Variants in HIF3A observed in about 807,000 individuals in gnomAD.
HIF3A encodes hypoxia inducible factor 3 subunit alpha, also known as hypoxia-inducible factor 3-alpha.
A neutral mutation model predicts 67.2 loss-of-function variants in HIF3A; 41 were observed. The ratio of observed to expected loss-of-function variants is 0.61; its 90% confidence interval spans 0.48 to 0.79. The LOEUF (loss-of-function observed/expected upper bound fraction) is 0.79, where lower values mean the gene tolerates loss of function less well. HIF3A is among the 30% of genes least tolerant of loss of function. The pLI, the probability that HIF3A is intolerant of heterozygous loss-of-function variation, is 0.00. For missense variants in HIF3A, 855 were observed against 898.0 expected (o/e 0.95, Z 0.61); for synonymous variants, 356 against 374.8 (o/e 0.95, Z 0.58).
rs760414002 is a variant in HIF3A, at chr19:46,305,356, C to T, written c.329C>T (p.Ser110Leu). 9 of 1,614,040 alleles carry T rather than the reference C, an allele frequency of 5.6e-6. No individual in the cohort carries two copies. Among genetic ancestry groups the T allele is most frequent in the South Asian group, 1.1e-5 (1 of 91,066 alleles). ...GCCGAGGGAGACATGGCTTACCTGTCGGAGAATGTCAGCAAACACCTGGGC... is the reference window on the plus strand; with the variant it reads ...GCCGAGGGAGACATGGCTTACCTGTTGGAGAATGTCAGCAAACACCTGGGC... ...LTAEGDMAYL[S>L]ENVSKHLGLS... Residue 110 changes from serine to leucine, a missense_variant, in exon 3 of 15, where the codon TCG becomes TTG. By Grantham distance (145) the Ser-to-Leu change is moderately radical. Transcript: ENST00000377670.
intron 6 of HIF3A, 131 bp downstream of exon 6, chr19:46,309,490 TG>T (rs1453707551): frequency 6.4e-6 from 4 of 622,516 alleles, no homozygotes; most frequent in Non-Finnish European, 1.1e-5. Flanking sequence ...TCTCTTTGTG[TG>T]CCTGCCTGTC....
At chr19:46,302,023 C>A (rs897956779) in intron 1 of HIF3A, among the ~76,000 whole-genome samples, 10 of 151,770 alleles carry the variant, frequency 6.6e-5, no homozygotes, top group Admixed American at 2.6e-4. Context: ...ACTATATATA[C>A]CATATACTAC....
At chr19:46,303,677 CA>C in intron 1 of HIF3A, 1 of 1,587,362 alleles carries the variant, frequency 6.3e-7, no homozygotes, top group Non-Finnish European at 8.6e-7. Context: ...CATGGACTGG[CA>C]AGACCACAGG....
intron 14 of HIF3A, among the ~76,000 whole-genome samples, chr19:46,335,252 A>ATTTAT (rs1971527330): frequency 6.8e-6 from 1 of 147,518 alleles, no homozygotes; most frequent in Non-Finnish European, 1.5e-5. Context: ...GATCACATTT[A>ATTTAT]TTTATTTATT....
chr19:46,322,361 G>A (rs967021590), intron 10 of HIF3A, among the ~76,000 whole-genome samples: 10 of 152,056 alleles, frequency 6.6e-5, no homozygotes, highest in African/African-American at 2.4e-4. Context: ...AGATTTCACA[G>A]GTTGGGCCTC....
In HIF3A at chr19:46,321,790, C is replaced by T. The variant is rs145421578; in HGVS notation, c.1159C>T (p.Arg387Trp). The T allele has an allele frequency of 8.7e-6, 14 of 1,613,336 alleles. No homozygotes were observed. The highest frequency in any genetic ancestry group is 1.6e-4 in the Middle Eastern group (1 of 6,076). The change falls in exon 10 of 15, where the codon CGG becomes TGG. Residue 387 changes from arginine (R) to tryptophan (W), a missense_variant. By Grantham distance (101) the Arg-to-Trp change is moderately radical (BLOSUM62 -3). Transcript: ENST00000377670. ...GTGTCCTGCAGACACCCCTGGCCCC[C>T]GGATCCTTGCCTTCCTGCACCCGCC... ...PGDSLDTPGPRILAFLHPPSL... is the reference protein window; with the variant it reads ...PGDSLDTPGPWILAFLHPPSL...
chr19:46,306,270 A>G (rs1405457346), intron 3 of HIF3A, among the ~76,000 whole-genome samples: 1 of 152,078 alleles, frequency 6.6e-6, no homozygotes, highest in African/African-American at 2.4e-5. Context: ...TTGTGCCAGA[A>G]AGGTAGAATC....
At chr19:46,312,471 T>C (rs1969526561) in intron 7 of HIF3A, 35 bp from the exon 8 acceptor site, 23 of 1,611,554 alleles carry the variant, frequency 1.4e-5, no homozygotes, top group Non-Finnish European at 2.0e-5. Flanking sequence ...TTTGCCCCCT[T>C]GGTGGCCCTG....
At chr19:46,329,143 G>A in intron 11 of HIF3A, 64 bp from the exon 12 acceptor site, 1 of 1,466,002 alleles carries the variant, frequency 6.8e-7, no homozygotes, top group Non-Finnish European at 9.2e-7. Flanking sequence ...ATGGTGCTGG[G>A]ACTTCAGCCA....
intron 6 of HIF3A, 34 bp from the exon 7 acceptor site, chr19:46,312,127 A>C: frequency 1.3e-6 from 2 of 1,528,726 alleles, no homozygotes; most frequent in Non-Finnish European, 1.8e-6. Context: ...ACCCAGTAGC[A>C]TCCTGACCAG....
chr19:46,325,476 T>A (rs1970713782), intron 10 of HIF3A, 59 bp from the exon 11 acceptor site: 3 of 1,230,892 alleles, frequency 2.4e-6, no homozygotes. Context: ...CAGACTGTCT[T>A]AATGTTGATA....
Position 46,320,565 on chromosome 19 carries a change from T to C in HIF3A, c.1144+4T>C. The stretch of plus-strand genomic sequence containing the variant: ...CCTAACCCTGGGGACAGCCTTGGTA[T>C]GGGGCAGGGCTGGGGCCGGGAGGGG... On this transcript the variant is annotated splice_donor_region_variant and intron_variant, in intron 9 of 14. Coordinates refer to ENST00000377670, the MANE Select transcript of HIF3A (RefSeq NM_152795.4). 1 of 1,608,346 alleles carries C rather than the reference T, an allele frequency of 6.2e-7. No individual in the cohort carries two copies. The highest frequency in any genetic ancestry group is 1.7e-4 in the Middle Eastern group (1 of 6,046).
chr19:46,333,490 C>A (rs1284635884), intron 13 of HIF3A, among the ~76,000 whole-genome samples: 1 of 152,146 alleles, frequency 6.6e-6, no homozygotes, highest in Non-Finnish European at 1.5e-5. Context: ...AATAAATACC[C>A]TACCTGCTGG....
chr19:46,306,198 C>T (rs1483905753), intron 3 of HIF3A, among the ~76,000 whole-genome samples: 1 of 152,160 alleles, frequency 6.6e-6, no homozygotes, highest in Admixed American at 6.6e-5. Context: ...AAATTTAAGG[C>T]CAAATTATCT....
At chr19:46,310,437 G>T (rs1217890365) in intron 6 of HIF3A, 1 of 281,230 alleles carries the variant, frequency 3.6e-6, no homozygotes. Flanking sequence ...GTTATTATTT[G>T]TTCACCCTCT....
Position 46,329,285 on chromosome 19 carries a change from C to T in HIF3A, c.1519C>T (p.Gln507Ter). The T allele has an allele frequency of 6.2e-7, 1 of 1,613,356 alleles. No homozygotes were observed. The highest frequency in any genetic ancestry group is 8.5e-7 in the Non-Finnish European group (1 of 1,179,938). ...DDDFQLNASEQLPRAYHRPLG... is the reference protein window; with the variant it reads ...DDDFQLNASE Reference sequence around the variant, plus strand: ...TGACTTCCAGCTCAACGCCAGCGAGCAGCTACCCAGGGCCTACCACAGACC... The same window carrying T: ...TGACTTCCAGCTCAACGCCAGCGAGTAGCTACCCAGGGCCTACCACAGACC... The change falls in exon 12 of 15, where the codon CAG becomes TAG. Residue 507 changes from glutamine to a stop codon, truncating the protein, a stop_gained. Coordinates refer to ENST00000377670, the MANE Select transcript of HIF3A (RefSeq NM_152795.4). LOFTEE classifies it high-confidence loss of function.
intron 3 of HIF3A, 107 bp downstream of exon 3, chr19:46,305,497 A>C: frequency 9.5e-7 from 1 of 1,056,440 alleles, no homozygotes. Context: ...CACAATACAA[A>C]GGGGATATAG....
At chr19:46,321,726 T>C (rs1970377986) in intron 9 of HIF3A, 50 bp from the exon 10 acceptor site, 2 of 1,545,456 alleles carry the variant, frequency 1.3e-6, no homozygotes, top group South Asian at 1.2e-5. Context: ...CTCTGGCCCT[T>C]GGCCCTCAGT....
chr19:46,317,301 C>T lies in HIF3A; in HGVS notation c.1026-3142C>T, dbSNP rs145712704. On this transcript the variant is annotated intron_variant, in intron 8 of 14. Transcript: ENST00000377670. Reference sequence around the variant, plus strand: ...AACTCTTGGGCTCAAGTGACCCTCCCGCCTCAGCCTCCCAAAGTGCTGGGA... The same window carrying T: ...AACTCTTGGGCTCAAGTGACCCTCCTGCCTCAGCCTCCCAAAGTGCTGGGA... Among the ~76,000 whole-genome samples, 857 of 152,196 alleles carry T rather than the reference C, an allele frequency of 5.6e-3. 7 individuals are homozygous for T. Among genetic ancestry groups the T allele is most frequent in the Middle Eastern group, 0.02 (6 of 294 alleles).
Sources: gnomAD v4.1 joint callset for allele counts (sites outside exome capture counted in the v4.1 genomes callset) on GRCh38, gnomAD v4.1.1 for gene constraint, MANE v1.5 for transcripts, NCBI Gene and HGNC (gene_info 2026-07-23, HGNC 2026-07-21) for gene names.